ZNF385C: variants seen among roughly 807,000 people sequenced by gnomAD.
The protein encoded by ZNF385C is zinc finger protein 385C.
Under a neutral mutation model 35.4 loss-of-function variants are expected in ZNF385C, and 28 were observed. That is an observed-to-expected ratio of 0.79 (90% CI 0.59 to 1.08). The LOEUF (loss-of-function observed/expected upper bound fraction) is 1.08, where lower values mean the gene tolerates loss of function less well. Among genes scored for constraint, ZNF385C ranks in the 50% least tolerant of loss-of-function variants. ZNF385C has a pLI of 0.00. For missense variants in ZNF385C, 605 were observed against 595.6 expected (o/e 1.02, Z -0.16); for synonymous variants, 248 against 248.2 (o/e 1.00, Z 0.01).
chr17:42,037,989 T>C, intron 2 of ZNF385C, 104 bp from the exon 3 acceptor site: 1 of 1,539,092 alleles, frequency 6.5e-7, no homozygotes. Flanking sequence ...GGCAGAAACC[T>C]GTGTCTCTCT....
Position 42,042,351 on chromosome 17 carries a change from G to A in ZNF385C, c.251-4466C>T, listed in dbSNP as rs373745538. On this transcript the variant is annotated intron_variant, in intron 2 of 8. Coordinates refer to ENST00000692273, the MANE Select transcript of ZNF385C (RefSeq NM_001392013.1). ...GGCCTGGCCAACATGGTGATACCCC[G>A]TCTCTACTAAAAATACAAAAATTAG... Among the ~76,000 whole-genome samples, 54 of 152,212 alleles carry A rather than the reference G, an allele frequency of 3.5e-4. 1 individual carries two copies. Among genetic ancestry groups the A allele is most frequent in the African/African-American group, 1.2e-3 (49 of 41,534 alleles).
intron 2 of ZNF385C, among the ~76,000 whole-genome samples, chr17:42,046,767 A>C (rs4796762): frequency 0.72 from 109,461 of 151,906 alleles, 42,079 homozygotes; most frequent in South Asian, 0.85. Context: ...AATAGAAAAC[A>C]ATGCCAACAC....
intron 2 of ZNF385C, chr17:42,040,147 G>A: frequency 2.4e-6 from 3 of 1,231,494 alleles, no homozygotes; most frequent in Non-Finnish European, 1.0e-6. Context: ...CTCCTCCGGC[G>A]CCTGCGGGTA....
intron 4 of ZNF385C, among the ~76,000 whole-genome samples, chr17:42,032,184 C>T (rs897182783): frequency 2.6e-5 from 4 of 152,146 alleles, no homozygotes; most frequent in Admixed American, 6.5e-5. Context: ...CCTCAGCCTC[C>T]GGGGTAGCTG....
At chr17:42,075,156 T>C (rs1469988545) in intron 1 of ZNF385C, among the ~76,000 whole-genome samples, 2 of 152,152 alleles carry the variant, frequency 1.3e-5, no homozygotes, top group Non-Finnish European at 2.9e-5. Context: ...AGAGACCCAT[T>C]TGCCTCAGCT....
At position 42,026,908 on chromosome 17, in the gene ZNF385C, C is replaced by A; in HGVS notation, c.1501G>T (p.Ala501Ser). 6.3e-7 allele frequency: 1 copy of A among 1,593,982 alleles called. No individual in the cohort carries two copies. The change falls in exon 9 of 9, where the codon GCC (alanine) becomes TCC (serine). Residue 501 changes from alanine (A) to serine (S), a missense_variant. Ala to Ser is a moderately conservative substitution (Grantham distance 99). Coordinates refer to ENST00000692273, the MANE Select transcript of ZNF385C (RefSeq NM_001392013.1). ...CCTCCCCATGAGGGCTAATAAGGGG[C>A]AAGGACGATAGGTCCTGTGGCAGGG... ...VRPATGPIVL[A>S]PY is the part of the protein sequence containing the mutation.
chr17:42,043,140 G>A (rs2053066437), intron 2 of ZNF385C: 25 of 1,232,210 alleles, frequency 2.0e-5, no homozygotes, highest in Admixed American at 4.2e-5. Flanking sequence ...CTGAGGTCAC[G>A]TGGCGCAGCA....
At chr17:42,038,242 G>T in intron 2 of ZNF385C, 1 of 556,668 alleles carries the variant, frequency 1.8e-6, no homozygotes, top group Non-Finnish European at 3.1e-6. Flanking sequence ...TGATGTGCTG[G>T]GATTCCATTT....
intron 2 of ZNF385C, among the ~76,000 whole-genome samples, chr17:42,047,581 G>T (rs1393866275): frequency 6.6e-6 from 1 of 152,172 alleles, no homozygotes; most frequent in African/African-American, 2.4e-5. Flanking sequence ...CAGATGAGGA[G>T]AGTTCCAGGG....
chr17:42,039,573 C>A, intron 2 of ZNF385C: 1 of 829,432 alleles, frequency 1.2e-6, no homozygotes, highest in Non-Finnish European at 1.6e-6. Flanking sequence ...TCCAGAAGGG[C>A]GGGTGGATGG....
chr17:42,089,801 C>T (rs782064821), intron 1 of ZNF385C, among the ~76,000 whole-genome samples: 16 of 152,112 alleles, frequency 1.1e-4, no homozygotes, highest in Admixed American at 2.0e-4. Flanking sequence ...CCGATGAAAA[C>T]AGTTTCAGTA....
In ZNF385C at chr17:42,095,957, T is replaced by G. The variant is rs562068117; in HGVS notation, c.-3+2453A>C. ...CAAGCCAGCAAACTGTGAAATATGT[T>G]CTAACCTCTCACCCTGACAAATACA... On this transcript the variant is annotated intron_variant, in intron 1 of 8. Transcript: ENST00000692273. The surrounding 1 kb of genome is among the most constrained non-coding windows in gnomAD (Gnocchi z 4.4). Among the ~76,000 whole-genome samples, 6 of 152,332 alleles carry G rather than the reference T, an allele frequency of 3.9e-5. No individual in the cohort carries two copies. Among genetic ancestry groups the G allele is most frequent in the African/African-American group, 1.4e-4 (6 of 41,566 alleles).
intron 1 of ZNF385C, among the ~76,000 whole-genome samples, chr17:42,078,989 A>G (rs1382022125): frequency 6.6e-6 from 1 of 152,048 alleles, no homozygotes; most frequent in African/African-American, 2.4e-5. Flanking sequence ...AATGGTAACA[A>G]CAATGCCTAA....
intron 3 of ZNF385C, among the ~76,000 whole-genome samples, 173 bp from the exon 4 acceptor site, chr17:42,034,508 G>A (rs781891759): frequency 2.6e-5 from 4 of 152,044 alleles, no homozygotes; most frequent in South Asian, 2.1e-4. Context: ...GGCCAGGCGC[G>A]GTGGCTCACA....
intron 1 of ZNF385C, among the ~76,000 whole-genome samples, chr17:42,090,483 C>T (rs1335655001): frequency 6.6e-6 from 1 of 151,434 alleles, no homozygotes; most frequent in African/African-American, 2.4e-5. Context: ...TGGGTTTTCA[C>T]CATGTTGGCC....
chr17:42,074,788 C>T (rs1459727477), intron 1 of ZNF385C, among the ~76,000 whole-genome samples: 3 of 152,226 alleles, frequency 2.0e-5, no homozygotes, highest in African/African-American at 4.8e-5. Flanking sequence ...TAACTTAATC[C>T]GGTCACACTG....
At chr17:42,080,798 C>T (rs958019227) in intron 1 of ZNF385C, among the ~76,000 whole-genome samples, 1 of 152,202 alleles carries the variant, frequency 6.6e-6, no homozygotes, top group Non-Finnish European at 1.5e-5. Flanking sequence ...CCTGTGCCCC[C>T]CAGGCCCACT....
intron 2 of ZNF385C, chr17:42,038,191 T>C (rs571723177): frequency 1.2e-6 from 1 of 837,718 alleles, no homozygotes; most frequent in African/African-American, 1.7e-5. Context: ...GACAGAGGGG[T>C]CTGGGCAGGC....
chr17:42,075,238 A>G (rs2053671576), intron 1 of ZNF385C, among the ~76,000 whole-genome samples: 1 of 152,108 alleles, frequency 6.6e-6, no homozygotes, highest in Non-Finnish European at 1.5e-5. Flanking sequence ...ATGTGCTCCC[A>G]GGGCACCTTG....
Sources: allele counts gnomAD v4.1 joint callset (sites outside exome capture counted in the v4.1 genomes callset), GRCh38; gene constraint gnomAD v4.1.1; non-coding constraint Gnocchi (gnomAD v3.1); transcripts MANE v1.5; gene names NCBI Gene and HGNC (gene_info 2026-07-23, HGNC 2026-07-21).